SH3BGRL2: variants seen among roughly 807,000 people sequenced by gnomAD.
SH3BGRL2 encodes the protein SH3 domain binding glutamate rich protein like 2, also known as SH3 domain-binding glutamic acid-rich-like protein 2.
Under a neutral mutation model 14.8 loss-of-function variants are expected in SH3BGRL2, and 21 were observed. The ratio of observed to expected loss-of-function variants is 1.42; its 90% confidence interval spans 1.01 to 2.05. SH3BGRL2 has a LOEUF of 2.05. SH3BGRL2 is among the 30% of genes most tolerant of loss of function. The pLI, the probability that SH3BGRL2 is intolerant of heterozygous loss-of-function variation, is 0.00. For missense variants in SH3BGRL2, 147 were observed against 130.8 expected, an observed-to-expected ratio of 1.12 and a Z score of -0.61; for synonymous variants, 50 against 47.8, an observed-to-expected ratio of 1.05 and a Z score of -0.19.
intron 1 of SH3BGRL2, among the ~76,000 whole-genome samples, chr6:79,654,316 T>C (rs1007845336): frequency 1.3e-5 from 2 of 152,200 alleles, no homozygotes; most frequent in Non-Finnish European, 2.9e-5. Context: ...TTATTTTTGC[T>C]AAAGATCAAG....
At chr6:79,660,613 G>C (rs188903840) in intron 1 of SH3BGRL2, among the ~76,000 whole-genome samples, 1 of 152,120 alleles carries the variant, frequency 6.6e-6, no homozygotes, top group South Asian at 2.1e-4. Flanking sequence ...TTTTGGTTGT[G>C]TCTCTGCTAG....
chr6:79,679,391 T>G (rs1184936550), intron 2 of SH3BGRL2, among the ~76,000 whole-genome samples: 2 of 152,062 alleles, frequency 1.3e-5, no homozygotes, highest in East Asian at 1.9e-4. Context: ...TTTCATTTTT[T>G]TTTTTGGCTG....
intron 1 of SH3BGRL2, among the ~76,000 whole-genome samples, chr6:79,635,475 T>C (rs994453283): frequency 6.6e-6 from 1 of 152,158 alleles, no homozygotes; most frequent in African/African-American, 2.4e-5. Flanking sequence ...CTTACCCAGG[T>C]TCTGTATTAG....
the SH3BGRL2 span, among the ~76,000 whole-genome samples, chr6:79,604,619 G>A: frequency 6.6e-6 from 1 of 152,076 alleles, no homozygotes; most frequent in African/African-American, 2.4e-5. Context: ...TCTCTTCAGG[G>A]CCCCAGTTGT....
chr6:79,562,566 C>T, the SH3BGRL2 span, among the ~76,000 whole-genome samples: 2 of 152,228 alleles, frequency 1.3e-5, no homozygotes, highest in Non-Finnish European at 2.9e-5. Context: ...AAAAGATAAT[C>T]TTTATTATGT....
chr6:79,658,912 A>C (rs538911421), intron 1 of SH3BGRL2, among the ~76,000 whole-genome samples: 13 of 152,122 alleles, frequency 8.5e-5, no homozygotes, highest in Non-Finnish European at 1.3e-4. Context: ...GCATTTTTTC[A>C]TGTGTCCGTT....
chr6:79,631,351 C>G lies in SH3BGRL2; in HGVS notation c.-111C>G, dbSNP rs1768818577. ...GCCAGATCCCAGCGATCTTCCCCGA[C>G]GGCAGCGCTTTACCCAGAGGCTGCC... is the stretch of plus-strand genomic sequence containing the variant. On this transcript the variant is annotated 5_prime_UTR_variant, in exon 1 of 4. Coordinates refer to ENST00000369838, the MANE Select transcript of SH3BGRL2 (RefSeq NM_031469.4). 5.1e-6 allele frequency: 5 copies of G among 989,304 alleles called. No homozygotes were observed. Among genetic ancestry groups the G allele is most frequent in the Non-Finnish European group, 5.5e-6 (4 of 727,628 alleles). 61.3% of individuals were successfully genotyped at this position (989,304 alleles called of 1,614,324 possible).
chr6:79,597,824 A>AC, the SH3BGRL2 span, among the ~76,000 whole-genome samples: 3 of 152,216 alleles, frequency 2.0e-5, no homozygotes, highest in Admixed American at 6.5e-5. Context: ...TGAAAAGACA[A>AC]CCCACCAAAT....
the SH3BGRL2 span, among the ~76,000 whole-genome samples, chr6:79,554,563 C>G: frequency 6.6e-6 from 1 of 152,114 alleles, no homozygotes; most frequent in Non-Finnish European, 1.5e-5. Flanking sequence ...TCCTCTAAAT[C>G]CTAAAATCCA....
chr6:79,680,904 G>T (rs894022860), intron 2 of SH3BGRL2, among the ~76,000 whole-genome samples: 2 of 151,958 alleles, frequency 1.3e-5, no homozygotes, highest in Admixed American at 6.6e-5. Context: ...ATTTTTTTGT[G>T]TGTTGATTTT....
At chr6:79,657,567 A>G (rs940994975) in intron 1 of SH3BGRL2, among the ~76,000 whole-genome samples, 1 of 152,192 alleles carries the variant, frequency 6.6e-6, no homozygotes, top group African/African-American at 2.4e-5. Context: ...AGTTTTGAGA[A>G]ATAAAGTTAT....
the SH3BGRL2 span, among the ~76,000 whole-genome samples, chr6:79,604,701 G>T: frequency 6.6e-6 from 1 of 152,114 alleles, no homozygotes; most frequent in Non-Finnish European, 1.5e-5. Context: ...GAGTGTGTTG[G>T]GGGCAGATAA....
the SH3BGRL2 span, among the ~76,000 whole-genome samples, chr6:79,550,714 G>T: frequency 6.6e-6 from 1 of 152,146 alleles, no homozygotes; most frequent in Non-Finnish European, 1.5e-5. Flanking sequence ...TGCAGAGTAT[G>T]ATCAGAAAGT....
chr6:79,567,629 C>G, the SH3BGRL2 span, among the ~76,000 whole-genome samples: 1 of 152,092 alleles, frequency 6.6e-6, no homozygotes, highest in Non-Finnish European at 1.5e-5. Context: ...AAATTTCTGG[C>G]AGGAATTTAC....
the SH3BGRL2 span, among the ~76,000 whole-genome samples, chr6:79,557,660 T>C: frequency 6.6e-6 from 1 of 152,204 alleles, no homozygotes; most frequent in Admixed American, 6.5e-5. Context: ...TTGGATTAAA[T>C]GAGCAGTACA....
At chr6:79,607,529 A>C in the SH3BGRL2 span, among the ~76,000 whole-genome samples, 1 of 152,070 alleles carries the variant, frequency 6.6e-6, no homozygotes, top group Non-Finnish European at 1.5e-5. Context: ...GCCTTTCTTC[A>C]ATTCTTCCCT....
the SH3BGRL2 span, among the ~76,000 whole-genome samples, chr6:79,562,661 A>G: frequency 1.3e-5 from 2 of 152,220 alleles, no homozygotes; most frequent in Non-Finnish European, 2.9e-5. Flanking sequence ...GAATTCAGGA[A>G]GAAATAATAG....
chr6:79,620,629 G>C, the SH3BGRL2 span, among the ~76,000 whole-genome samples: 1 of 151,864 alleles, frequency 6.6e-6, no homozygotes, highest in Non-Finnish European at 1.5e-5. Context: ...AAAGGGGAAG[G>C]GGTCCTCAGA....
At chr6:79,662,429 T>C (rs554936869) in intron 1 of SH3BGRL2, among the ~76,000 whole-genome samples, 4 of 152,312 alleles carry the variant, frequency 2.6e-5, no homozygotes, top group Non-Finnish European at 5.9e-5. Context: ...GGATATGAAA[T>C]TCTGGGTTGA....
Sources: allele counts gnomAD v4.1 joint callset (sites outside exome capture counted in the v4.1 genomes callset), GRCh38; gene constraint gnomAD v4.1.1; transcripts MANE v1.5; gene names NCBI Gene and HGNC (gene_info 2026-07-23, HGNC 2026-07-21).